Variants in EPS8L3 observed in about 807,000 individuals in gnomAD.
The protein encoded by EPS8L3 is EPS8 signaling adaptor L3.
A neutral mutation model predicts 88.5 loss-of-function variants in EPS8L3; 80 were observed. The observed-to-expected ratio is 0.90, with a 90% CI of 0.75 to 1.09. The LOEUF is 1.09. Among genes scored for constraint, EPS8L3 ranks in the 50% least tolerant of loss-of-function variants. The pLI is 0.00. For synonymous variants in EPS8L3, 286 were observed against 291.0 expected, an observed-to-expected ratio of 0.98 and a Z score of 0.18; for missense variants, 721 against 735.2, an observed-to-expected ratio of 0.98 and a Z score of 0.22.
In EPS8L3 at chr1:109,757,652, C is replaced by T; in HGVS notation, c.895-97G>A. 3.5e-6 allele frequency: 5 copies of T among 1,432,498 alleles called. No homozygotes were observed. In the South Asian group the frequency reaches 4.7e-5, roughly 14 times the overall value. 88.7% of individuals were successfully genotyped at this position (1,432,498 alleles called of 1,614,324 possible). ...TTATGCCTTGGCTGGAAGGCTGGCACTTCCCAAAAGTCCCAAGAGGGGAGG... is the reference window on the plus strand; with the variant it reads ...TTATGCCTTGGCTGGAAGGCTGGCATTTCCCAAAAGTCCCAAGAGGGGAGG... On this transcript the variant is annotated intron_variant, in intron 10 of 18. Coordinates refer to ENST00000361965, the MANE Select transcript of EPS8L3 (RefSeq NM_133181.4).
Position 109,761,486 on chromosome 1 carries a change from G to A in EPS8L3, c.96+9C>T. On this transcript the variant is annotated intron_variant, in intron 3 of 18. Transcript: ENST00000361965. The stretch of plus-strand genomic sequence containing the variant: ...TTGGACACTGCCCGGGGGCTGCAGA[G>A]GTACTCACCTCCACCCTGTGCTGCA... The A allele has an allele frequency of 6.2e-7, 1 of 1,607,944 alleles. No homozygotes were observed. The highest frequency in any genetic ancestry group is 8.5e-7 in the Non-Finnish European group (1 of 1,175,552).
rs74626467 is a variant in EPS8L3 at position 109,750,702 on chromosome 1, T to C, written c.1728A>G (p.Pro576=). 8.4e-5 allele frequency: 135 copies of C among 1,614,068 alleles called. No homozygotes were observed. Among genetic ancestry groups the C allele is most frequent in the Middle Eastern group, 1.6e-4 (1 of 6,084 alleles). ...ELQMLCPQEA[P]RILSRLEAVR... Reference sequence around the variant, plus strand: ...CAGCCTCCAGCCGGGACAGGATTCGTGGGGCCTCCTGTGGACATAGCATCT... The same window carrying C: ...CAGCCTCCAGCCGGGACAGGATTCGCGGGGCCTCCTGTGGACATAGCATCT... The change falls in exon 18 of 19, where the codon CCA becomes CCG. Residue 576 remains proline, a synonymous_variant. Coordinates refer to ENST00000361965, the MANE Select transcript of EPS8L3 (RefSeq NM_133181.4).
intron 12 of EPS8L3, 136 bp downstream of exon 12, chr1:109,756,881 C>T: frequency 9.0e-7 from 1 of 1,113,066 alleles, no homozygotes; most frequent in South Asian, 1.5e-5. Context: ...AAGTTGGGAA[C>T]TCTCTGTAGA....
In EPS8L3 at chr1:109,757,461, C is replaced by G; in HGVS notation, c.969+20G>C. 1.2e-6 allele frequency: 2 copies of G among 1,610,092 alleles called. No individual in the cohort carries two copies. The highest frequency in any genetic ancestry group is 1.1e-5 in the South Asian group (1 of 90,984). ...ACTTCAGCCTGTCCGTCTTCACCAC[C>G]CTGTCGTCCCTTGACTCACGAAGTT... On this transcript the variant is annotated intron_variant, in intron 11 of 18. Transcript: ENST00000361965.
chr1:109,757,084 G>C lies in EPS8L3; in HGVS notation c.1051C>G (p.Gln351Glu). 1 of 1,614,204 alleles carries C rather than the reference G, an allele frequency of 6.2e-7. No homozygotes were observed. The highest frequency in any genetic ancestry group is 8.5e-7 in the Non-Finnish European group (1 of 1,180,016). The part of the protein sequence containing the change: ...LLTPKAINLL[Q>E]SCLSPPESNL... ...CTCTCAGGTGGGCTTAGACAGGACT[G>C]TAGCAGGTTGATAGCTTTAGGGGTG... is the stretch of plus-strand genomic sequence containing the variant. The change falls in exon 12 of 19, where the codon CAG (glutamine) becomes GAG (glutamate). Residue 351 changes from glutamine to glutamate, a missense_variant. Gln to Glu is a conservative substitution (Grantham distance 29). Coordinates refer to ENST00000361965, the MANE Select transcript of EPS8L3 (RefSeq NM_133181.4).
intron 12 of EPS8L3, among the ~76,000 whole-genome samples, chr1:109,756,650 A>G (rs1650310053): frequency 6.6e-6 from 1 of 152,212 alleles, no homozygotes; most frequent in African/African-American, 2.4e-5. Context: ...TTACATTTGC[A>G]GCATCTCTTA....
intron 1 of EPS8L3, among the ~76,000 whole-genome samples, chr1:109,762,106 C>T (rs1329267191): frequency 2.6e-5 from 4 of 152,162 alleles, no homozygotes; most frequent in Admixed American, 2.6e-4. Flanking sequence ...TGGACAGGGA[C>T]CTGCGTTCAG....
intron 12 of EPS8L3, 43 bp downstream of exon 12, chr1:109,756,974 T>G: frequency 1.9e-6 from 3 of 1,613,750 alleles, no homozygotes; most frequent in Non-Finnish European, 2.5e-6. Flanking sequence ...GATGCCTCCA[T>G]GCCCCTCACC....
chr1:109,750,904 T>C (rs1649733595), intron 17 of EPS8L3, 112 bp from the exon 18 acceptor site: 2 of 1,290,550 alleles, frequency 1.5e-6, no homozygotes, highest in East Asian at 5.0e-5. Context: ...ACAGAAAAAT[T>C]CATGGAGTAG....
intron 12 of EPS8L3, among the ~76,000 whole-genome samples, chr1:109,756,219 T>C (rs1650270377): frequency 6.6e-6 from 1 of 152,200 alleles, no homozygotes; most frequent in Admixed American, 6.5e-5. Flanking sequence ...CTCCCCTGGC[T>C]CTCATCCGTT....
At chr1:109,761,266 C>A in intron 3 of EPS8L3, 2 of 505,984 alleles carry the variant, frequency 4.0e-6, no homozygotes, top group Non-Finnish European at 7.1e-6. Context: ...ACCCGCTCAA[C>A]CTCCAGCCAG....
At chr1:109,761,813 G>A (rs1273460586) in intron 1 of EPS8L3, 40 bp from the exon 2 acceptor site, 1 of 1,582,762 alleles carries the variant, frequency 6.3e-7, no homozygotes, top group Non-Finnish European at 8.7e-7. Context: ...ATCAGAGCTG[G>A]GGAAAGGTGT....
intron 13 of EPS8L3, 43 bp downstream of exon 13, chr1:109,753,074 G>C (rs778033156): frequency 6.5e-7 from 1 of 1,532,868 alleles, no homozygotes; most frequent in Non-Finnish European, 9.0e-7. Context: ...AACTAGCCAG[G>C]GACTAGGGCT....
chr1:109,757,965 T>C lies in EPS8L3; in HGVS notation c.811A>G (p.Lys271Glu), dbSNP rs757805508. 6.8e-6 allele frequency: 11 copies of C among 1,614,192 alleles called. No homozygotes were observed. Among genetic ancestry groups the C allele is most frequent in the East Asian group, 2.2e-5 (1 of 44,880 alleles). ...AKTSRKKKFGKKNKDQGGLTQ... is the reference protein window; with the variant it reads ...AKTSRKKKFGEKNKDQGGLTQ... ...TCACCTCCCTGGTCCTTGTTTTTTT[T>C]CCCAAATTTCTTCTTCCTGCTGGTC... The change falls in exon 9 of 19, where the codon AAA becomes GAA. Residue 271 changes from lysine (K) to glutamate (E), a missense_variant. Physicochemically the swap from Lys to Glu is moderately conservative, Grantham distance 56. Coordinates refer to ENST00000361965, the MANE Select transcript of EPS8L3 (RefSeq NM_133181.4).
chr1:109,757,426 C>T, intron 11 of EPS8L3, 55 bp downstream of exon 11: 1 of 1,537,162 alleles, frequency 6.5e-7, no homozygotes, highest in Non-Finnish European at 9.0e-7. Flanking sequence ...CCTCTCTCTA[C>T]TCCTTCTTGA....
intron 12 of EPS8L3, among the ~76,000 whole-genome samples, chr1:109,756,781 T>G (rs746782029): frequency 3.3e-5 from 5 of 152,242 alleles, no homozygotes; most frequent in Non-Finnish European, 5.9e-5. Context: ...AAAACTGTTC[T>G]TTTTTCTGAG....
At position 109,750,650 on chromosome 1, in the gene EPS8L3, G is replaced by A; in HGVS notation, c.1770+10C>T. On this transcript the variant is annotated intron_variant, in intron 18 of 18. Transcript: ENST00000361965. ...TCCCAATGGTTGTCAGGACCCCAGG[G>A]TGTCCTCACCCCCAGCATCCTTCTG... 2 of 1,614,114 alleles carry A rather than the reference G, an allele frequency of 1.2e-6. No individual in the cohort carries two copies. Among genetic ancestry groups the A allele is most frequent in the South Asian group, 2.2e-5 (2 of 91,080 alleles).
At chr1:109,763,637 G>A (rs1242412234) in intron 1 of EPS8L3, among the ~76,000 whole-genome samples, 185 bp downstream of exon 1, 4 of 152,184 alleles carry the variant, frequency 2.6e-5, no homozygotes, top group East Asian at 1.9e-4. Flanking sequence ...CCTGGACCTC[G>A]CTCTGCTTTC....
rs573192119 is a variant in EPS8L3 at position 109,760,700 on chromosome 1, TCTGCTGCCCTGTGGGAC to T, written c.96+778_96+794del. ...CTCGGCTGGCTAGGGGAGCTCTGCC[TCTGCTGCCCTGTGGGAC>T]CTGCTGCCCTGTGGGACCTGCAGAC... On this transcript the variant is annotated intron_variant, in intron 3 of 18. Coordinates refer to ENST00000361965, the MANE Select transcript of EPS8L3 (RefSeq NM_133181.4). Among the ~76,000 whole-genome samples the T allele has an allele frequency of 5.0e-3, 755 of 152,164 alleles. 1 individual carries two copies. The highest frequency in any genetic ancestry group is 9.2e-3 in the Non-Finnish European group (624 of 67,990).
Sources: allele counts gnomAD v4.1 joint callset (sites outside exome capture counted in the v4.1 genomes callset), GRCh38; gene constraint gnomAD v4.1.1; transcripts MANE v1.5; gene names NCBI Gene and HGNC (gene_info 2026-07-23, HGNC 2026-07-21).